The following DENND5B variants were observed in gnomAD, a reference collection of about 807,000 sequenced individuals.
The protein encoded by DENND5B is DENN domain containing 5B.
In DENND5B, 34 loss-of-function variants were observed where a neutral mutation model predicts 140.6. The observed-to-expected ratio is 0.24, with a 90% CI of 0.18 to 0.32. DENND5B has a LOEUF of 0.32. Among genes scored for constraint, DENND5B ranks in the 10% least tolerant of loss-of-function variants. The pLI, the probability that DENND5B is intolerant of heterozygous loss-of-function variation, is 1.00. For missense variants in DENND5B, 1,142 were observed against 1,560.2 expected (o/e 0.73, Z 4.52); for synonymous variants, 551 against 562.1 (o/e 0.98, Z 0.28).
intron 1 of DENND5B, among the ~76,000 whole-genome samples, chr12:31,522,645 C>T (rs1187610482): frequency 2.6e-5 from 4 of 152,060 alleles, no homozygotes; most frequent in Non-Finnish European, 4.4e-5. Context: ...GGTTTCACCA[C>T]GTTACCCCGG....
At chr12:31,502,626 A>G (rs1249427090) in intron 1 of DENND5B, among the ~76,000 whole-genome samples, 3 of 152,192 alleles carry the variant, frequency 2.0e-5, no homozygotes, top group Admixed American at 1.3e-4. Context: ...TAAATAGTCA[A>G]TAATGATAAT....
At chr12:31,428,475 A>G (rs1466300592) in intron 8 of DENND5B, among the ~76,000 whole-genome samples, 6 of 151,404 alleles carry the variant, frequency 4.0e-5, no homozygotes, top group African/African-American at 1.5e-4. Flanking sequence ...AATCTCAACT[A>G]ACTGCTACCT....
At chr12:31,406,129 A>G (rs972722962) in intron 14 of DENND5B, among the ~76,000 whole-genome samples, 3 of 150,088 alleles carry the variant, frequency 2.0e-5, no homozygotes, top group Non-Finnish European at 3.0e-5. Context: ...TACAGGTGTG[A>G]GCCACCATGC....
rs1944956235 is a variant in DENND5B at position 31,460,291 on chromosome 12, G to A, written c.995C>T (p.Ala332Val). 1 of 1,613,838 alleles carries A rather than the reference G, an allele frequency of 6.2e-7. No individual in the cohort carries two copies. Among genetic ancestry groups the A allele is most frequent in the African/African-American group, 1.3e-5 (1 of 74,922 alleles). The part of the protein sequence containing the change: ...WQHVYVPILP[A>V]SLLHFLDAPV... ...AGCATCAAGAAAATGTAGCAGAGAA[G>A]CAGGTAGAATGGGCACATAAACATG... is the stretch of plus-strand genomic sequence containing the variant. Residue 332 changes from alanine (A) to valine (V), a missense_variant, in exon 4 of 21, where the codon GCT becomes GTT. By Grantham distance (64) the Ala-to-Val change is moderately conservative (BLOSUM62 0). Coordinates refer to ENST00000389082, the MANE Select transcript of DENND5B (RefSeq NM_144973.4).
At chr12:31,528,335 A>G (rs1045040563) in intron 1 of DENND5B, among the ~76,000 whole-genome samples, 2 of 152,206 alleles carry the variant, frequency 1.3e-5, no homozygotes, top group South Asian at 4.1e-4. Flanking sequence ...GCGTGTGTCA[A>G]ACTTCCCTTT....
chr12:31,388,593 T>C (rs1439979931), intron 20 of DENND5B, among the ~76,000 whole-genome samples: 1 of 152,006 alleles, frequency 6.6e-6, no homozygotes, highest in Non-Finnish European at 1.5e-5. Context: ...AGTCTCAAGT[T>C]GGGGCTCTTA....
At chr12:31,503,928 A>T (rs1375830849) in intron 1 of DENND5B, among the ~76,000 whole-genome samples, 1 of 152,192 alleles carries the variant, frequency 6.6e-6, no homozygotes, top group Non-Finnish European at 1.5e-5. Flanking sequence ...CAAAATCATT[A>T]ATAAAATGAG....
intron 1 of DENND5B, among the ~76,000 whole-genome samples, chr12:31,587,011 G>A (rs1950419800): frequency 6.6e-6 from 1 of 152,142 alleles, no homozygotes; most frequent in African/African-American, 2.4e-5. Flanking sequence ...ACATTCTCCT[G>A]TTTTCCTGCC....
At chr12:31,551,388 T>C (rs1049290500) in intron 1 of DENND5B, among the ~76,000 whole-genome samples, 1 of 152,198 alleles carries the variant, frequency 6.6e-6, no homozygotes, top group Non-Finnish European at 1.5e-5. Flanking sequence ...TGCGGCATTA[T>C]TTCTGAGGGC....
intron 17 of DENND5B, among the ~76,000 whole-genome samples, chr12:31,394,902 G>A (rs944189656): frequency 2.0e-5 from 3 of 152,038 alleles, no homozygotes; most frequent in African/African-American, 4.8e-5. Flanking sequence ...GTGAGCCACC[G>A]TGCCCGGCCT....
In DENND5B at chr12:31,386,966, G is replaced by A. The variant is rs974908176; in HGVS notation, c.*637C>T. On this transcript the variant is annotated 3_prime_UTR_variant, in exon 21 of 21. Coordinates refer to ENST00000389082, the MANE Select transcript of DENND5B (RefSeq NM_144973.4). Reference sequence around the variant, plus strand: ...AGTTCAGCCAAGCTCCTGGGGTCTAGTGTTTAAAATACTCCAATTATATCA... The same window carrying A: ...AGTTCAGCCAAGCTCCTGGGGTCTAATGTTTAAAATACTCCAATTATATCA... The A allele has an allele frequency of 6.6e-6, 1 of 152,194 alleles. No homozygotes were observed. The highest frequency in any genetic ancestry group is 2.4e-5 in the African/African-American group (1 of 41,446). 9.4% of individuals were successfully genotyped at this position (152,194 alleles called of 1,614,324 possible). A position where few individuals can be genotyped will look rare whatever the true frequency, so the allele number is the denominator to read the frequency against.
chr12:31,520,375 T>C (rs1423525315), intron 1 of DENND5B, among the ~76,000 whole-genome samples: 1 of 152,184 alleles, frequency 6.6e-6, no homozygotes, highest in Non-Finnish European at 1.5e-5. Flanking sequence ...TGAATTAAAA[T>C]GAAACAGCTG....
At chr12:31,550,618 T>C (rs908442669) in intron 1 of DENND5B, among the ~76,000 whole-genome samples, 2 of 152,124 alleles carry the variant, frequency 1.3e-5, no homozygotes, top group African/African-American at 4.8e-5. Context: ...TTTCTAGTTC[T>C]AGATCCCTGA....
rs150241072 is a variant in DENND5B, at chr12:31,463,591, T to C, written c.905-3210A>G. On this transcript the variant is annotated intron_variant, in intron 3 of 20. Transcript: ENST00000389082. ...TAGATTTTATTCCATCCATGTGTTGTGAGTGTTCTATGTCTATTCTTCTTT... is the reference window on the plus strand; with the variant it reads ...TAGATTTTATTCCATCCATGTGTTGCGAGTGTTCTATGTCTATTCTTCTTT... Among the ~76,000 whole-genome samples the C allele has an allele frequency of 1.6e-4, 24 of 152,354 alleles. No homozygotes were observed. In the East Asian group the frequency reaches 3.5e-3, roughly 22 times the overall value.
At chr12:31,545,388 T>C (rs1027636848) in intron 1 of DENND5B, among the ~76,000 whole-genome samples, 1 of 152,152 alleles carries the variant, frequency 6.6e-6, no homozygotes, top group African/African-American at 2.4e-5. Flanking sequence ...CCCTCCTTCC[T>C]TTCTCCTCCA....
At chr12:31,397,845 A>T (rs551665214) in intron 17 of DENND5B, among the ~76,000 whole-genome samples, 1 of 152,068 alleles carries the variant, frequency 6.6e-6, no homozygotes, top group East Asian at 1.9e-4. Flanking sequence ...GATCATTTGA[A>T]CCCGGGAAGC....
At chr12:31,469,745 T>A (rs998325238) in intron 3 of DENND5B, among the ~76,000 whole-genome samples, 3 of 152,158 alleles carry the variant, frequency 2.0e-5, no homozygotes, top group African/African-American at 7.2e-5. Flanking sequence ...GCCATTCTCA[T>A]GGTTGTGAGT....
At chr12:31,399,180 C>A (rs1161330200) in intron 16 of DENND5B, among the ~76,000 whole-genome samples, 9 of 116,158 alleles carry the variant, frequency 7.7e-5, no homozygotes, top group Non-Finnish European at 9.1e-5. Context: ...TTTTGGGGGG[C>A]AATTTTGTAT....
At chr12:31,561,411 C>G (rs1949470160) in intron 1 of DENND5B, among the ~76,000 whole-genome samples, 1 of 152,080 alleles carries the variant, frequency 6.6e-6, no homozygotes, top group Non-Finnish European at 1.5e-5. Flanking sequence ...ATCACCTGAG[C>G]CCGGAAGTTC....
Sources: allele counts gnomAD v4.1 joint callset (sites outside exome capture counted in the v4.1 genomes callset), GRCh38; gene constraint gnomAD v4.1.1; transcripts MANE v1.5; gene names NCBI Gene and HGNC (gene_info 2026-07-23, HGNC 2026-07-21).